Variants in PTH2R observed in about 807,000 individuals in gnomAD.
PTH2R encodes the protein parathyroid hormone 2 receptor.
A neutral mutation model predicts 60.3 loss-of-function variants in PTH2R; 59 were observed. The ratio of observed to expected loss-of-function variants is 0.98; its 90% CI spans 0.79 to 1.22. The LOEUF is 1.22. Ranked by LOEUF, PTH2R falls within the 50% of genes most tolerant of loss-of-function variation. The pLI, the probability that PTH2R is intolerant of heterozygous loss-of-function variation, is 0.00. For synonymous variants in PTH2R, 256 were observed against 243.8 expected (o/e 1.05, Z -0.47); for missense variants, 749 against 682.6 (o/e 1.10, Z -1.08).
intron 2 of PTH2R, among the ~76,000 whole-genome samples, chr2:208,432,952 C>T (rs947980966): frequency 2.6e-5 from 4 of 152,186 alleles, no homozygotes; most frequent in Non-Finnish European, 5.9e-5. Context: ...TCAGTCTCCT[C>T]TGGCACCACC....
intron 7 of PTH2R, among the ~76,000 whole-genome samples, chr2:208,448,427 G>A (rs1702333695): frequency 1.3e-5 from 2 of 151,662 alleles, no homozygotes; most frequent in Admixed American, 6.6e-5. Flanking sequence ...GAGGTGGGCG[G>A]ATCATGAGGT....
chr2:208,391,816 CTGGGCCT>C (rs1192155728), intron 1 of PTH2R, among the ~76,000 whole-genome samples: 5 of 152,182 alleles, frequency 3.3e-5, no homozygotes, highest in Admixed American at 1.3e-4. Flanking sequence ...TTCTGCAGAG[CTGGGCCT>C]TGGGTTTTGA....
At chr2:208,459,786 C>T in intron 8 of PTH2R, 109 bp from the exon 9 acceptor site, 1 of 850,104 alleles carries the variant, frequency 1.2e-6, no homozygotes, top group East Asian at 2.5e-5. Flanking sequence ...CTATTTGTTT[C>T]TTAATTGGAA....
intron 1 of PTH2R, among the ~76,000 whole-genome samples, chr2:208,424,989 A>G (rs1421905946): frequency 6.6e-6 from 1 of 152,172 alleles, no homozygotes; most frequent in East Asian, 1.9e-4. Context: ...AAACTAAGCA[A>G]ATCAAAAGAC....
At position 208,399,028 on chromosome 2, in the gene PTH2R, C is replaced by T. The variant is rs541303952; in HGVS notation, c.-258-29173C>T. Among the ~76,000 whole-genome samples, 16 of 152,302 alleles carry T rather than the reference C, an allele frequency of 1.1e-4. No homozygotes were observed. The East Asian group carries it at 3.1e-3, about 29-fold the overall frequency. ...TTATAAGCAATATGTGCAGAGACATCGTTCAAACAAAGGGAATAATTCCAG... is the reference window on the plus strand; with the variant it reads ...TTATAAGCAATATGTGCAGAGACATTGTTCAAACAAAGGGAATAATTCCAG... On this transcript the variant is annotated intron_variant, in intron 1 of 12. Coordinates refer to the PTH2R transcript ENST00000617735.
At chr2:208,448,478 G>A (rs1251234432) in intron 7 of PTH2R, among the ~76,000 whole-genome samples, 2 of 151,000 alleles carry the variant, frequency 1.3e-5, no homozygotes, top group Non-Finnish European at 2.9e-5. Flanking sequence ...GTGAAACCCC[G>A]TCTCTACTAG....
At position 208,437,773 on chromosome 2, in the gene PTH2R, A is replaced by T. The variant is rs756889180; in HGVS notation, c.303A>T (p.Arg101=). The change falls in exon 4 of 13, where the codon CGA becomes CGT. Residue 101 remains arginine, a synonymous_variant. Transcript: ENST00000272847. ...YDFNHKGVAF[R]HCNPNGTWDF... Reference sequence around the variant, plus strand: ...ATGTCTTTACAGGAGTTGCTTTCCGACACTGTAACCCCAATGGAACATGGG... The same window carrying T: ...ATGTCTTTACAGGAGTTGCTTTCCGTCACTGTAACCCCAATGGAACATGGG... 4 of 1,612,668 alleles carry T rather than the reference A, an allele frequency of 2.5e-6. No homozygotes were observed. The African/African-American group carries it at 5.3e-5, about 22-fold the overall frequency.
chr2:208,360,478 G>C (rs1303089630), intron 1 of PTH2R, among the ~76,000 whole-genome samples: 1 of 152,166 alleles, frequency 6.6e-6, no homozygotes. Context: ...GGCCAGACCC[G>C]GCTGAGACTG....
At chr2:208,455,841 G>T (rs1702499826) in intron 8 of PTH2R, among the ~76,000 whole-genome samples, 1 of 152,118 alleles carries the variant, frequency 6.6e-6, no homozygotes, top group Non-Finnish European at 1.5e-5. Flanking sequence ...GATTTTCTCT[G>T]CATCTTGGCT....
At chr2:208,406,212 G>A (rs1701402115), upstream of PTH2R, among the ~76,000 whole-genome samples, 1 of 152,026 alleles carries the variant, frequency 6.6e-6, no homozygotes, top group Non-Finnish European at 1.5e-5. Flanking sequence ...ATTGGCCAAT[G>A]AATGTCTAAA....
At chr2:208,434,486 A>C (rs949643806) in intron 2 of PTH2R, among the ~76,000 whole-genome samples, 3 of 152,164 alleles carry the variant, frequency 2.0e-5, no homozygotes, top group African/African-American at 7.2e-5. Context: ...AGTATCTTGC[A>C]GGGAACGAGA....
intron 9 of PTH2R, among the ~76,000 whole-genome samples, chr2:208,468,500 C>G (rs1446345834): frequency 2.0e-5 from 3 of 152,200 alleles, no homozygotes; most frequent in Non-Finnish European, 4.4e-5. Flanking sequence ...GCAAAGATGG[C>G]TCACTGATGC....
At chr2:208,370,737 G>A (rs76962034) in intron 1 of PTH2R, among the ~76,000 whole-genome samples, 7 of 152,092 alleles carry the variant, frequency 4.6e-5, no homozygotes, top group East Asian at 1.9e-4. Context: ...GTGAAGGAAC[G>A]AACAACCCAC....
intron 2 of PTH2R, among the ~76,000 whole-genome samples, chr2:208,432,893 C>T (rs1472726360): frequency 6.6e-6 from 1 of 152,122 alleles, no homozygotes; most frequent in African/African-American, 2.4e-5. Context: ...GGGTGCCCAC[C>T]CTCAATGAGG....
intron 9 of PTH2R, among the ~76,000 whole-genome samples, chr2:208,475,109 T>G (rs1702971173): frequency 6.6e-6 from 1 of 152,202 alleles, no homozygotes; most frequent in South Asian, 2.1e-4. Context: ...TAAATCCATT[T>G]CTTTGGAGAT....
At chr2:208,380,703 G>A (rs1700897013) in intron 1 of PTH2R, among the ~76,000 whole-genome samples, 1 of 152,058 alleles carries the variant, frequency 6.6e-6, no homozygotes, top group Non-Finnish European at 1.5e-5. Flanking sequence ...GTCTCTTTCT[G>A]CTGTCTTCAC....
intron 1 of PTH2R, among the ~76,000 whole-genome samples, chr2:208,396,896 G>A (rs949888419): frequency 1.3e-5 from 2 of 152,218 alleles, no homozygotes; most frequent in African/African-American, 2.4e-5. Flanking sequence ...GCAAAGACTC[G>A]GAACCAACCC....
Position 208,488,921 on chromosome 2 carries a change from G to A in PTH2R, c.1077-91G>A, listed in dbSNP as rs1703335485. On this transcript the variant is annotated intron_variant, in intron 10 of 12. Coordinates refer to ENST00000272847, the MANE Select transcript of PTH2R (RefSeq NM_005048.4). ...GAAAGTGTCAGCCCCACCCCCATTA[G>A]CTCTGCTAAGTTTTTTTTTTCCTCC... 2.9e-6 allele frequency: 4 copies of A among 1,362,692 alleles called. No homozygotes were observed. In the East Asian group the frequency reaches 9.5e-5, roughly 32 times the overall value. The allele number at this position is 1,362,692 out of a possible 1,614,324, so 84.4% of individuals were successfully genotyped here.
intron 12 of PTH2R, among the ~76,000 whole-genome samples, chr2:208,491,775 C>T (rs1703409896): frequency 6.6e-6 from 1 of 151,830 alleles, no homozygotes; most frequent in Non-Finnish European, 1.5e-5. Flanking sequence ...CCATTGTAGA[C>T]TGTGAAGTTT....
Sources: allele counts gnomAD v4.1 joint callset (sites outside exome capture counted in the v4.1 genomes callset), GRCh38; gene constraint gnomAD v4.1.1; transcripts MANE v1.5; gene names NCBI Gene and HGNC (gene_info 2026-07-23, HGNC 2026-07-21).